Variants in ARHGAP20 observed in about 807,000 individuals in gnomAD.
ARHGAP20 encodes Rho GTPase activating protein 20.
A neutral mutation model predicts 73.7 loss-of-function variants in ARHGAP20; 34 were observed. That is an observed-to-expected ratio of 0.46 (90% CI 0.35 to 0.61). The LOEUF is 0.61. Ranked by LOEUF, ARHGAP20 falls within the 20% of genes least tolerant of loss-of-function variation. The pLI, the probability that ARHGAP20 is intolerant of heterozygous loss-of-function variation, is 0.00. For synonymous variants in ARHGAP20, 523 were observed against 518.2 expected (o/e 1.01, Z -0.13); for missense variants, 1,314 against 1,420.9 (o/e 0.92, Z 1.21).
At chr11:110,687,035 CA>C (rs1840141783) in intron 2 of ARHGAP20, among the ~76,000 whole-genome samples, 1 of 121,996 alleles carries the variant, frequency 8.2e-6, no homozygotes, top group Non-Finnish European at 1.7e-5. Flanking sequence ...AAGATTAAAA[CA>C]TATATATATA....
At chr11:110,611,446 A>G in intron 6 of ARHGAP20, 60 bp from the exon 7 acceptor site, 1 of 865,464 alleles carries the variant, frequency 1.2e-6, no homozygotes, top group Non-Finnish European at 1.7e-6. Context: ...CAGGTTAACA[A>G]ATAATCATTG....
chr11:110,711,652 G>C (rs1950660061), intron 1 of ARHGAP20: 1 of 1,471,172 alleles, frequency 6.8e-7, no homozygotes, highest in Admixed American at 2.3e-5. Flanking sequence ...CAGCCCCGCT[G>C]CCTACCTTCT....
chr11:110,614,850 G>A (rs1020941287), intron 5 of ARHGAP20, among the ~76,000 whole-genome samples: 1 of 152,136 alleles, frequency 6.6e-6, no homozygotes, highest in Non-Finnish European at 1.5e-5. Context: ...TTAGGCATGG[G>A]CACAAAAAAA....
chr11:110,602,393 C>T (rs1346256860), intron 9 of ARHGAP20, among the ~76,000 whole-genome samples: 1 of 152,114 alleles, frequency 6.6e-6, no homozygotes, highest in African/African-American at 2.4e-5. Flanking sequence ...ATATAATATG[C>T]GTCAATGGTT....
intron 2 of ARHGAP20, among the ~76,000 whole-genome samples, chr11:110,686,616 T>G (rs978468004): frequency 6.6e-6 from 1 of 152,244 alleles, no homozygotes; most frequent in East Asian, 1.9e-4. Context: ...GCAACAGTGG[T>G]CCTCCACCAA....
At chr11:110,658,677 G>GA (rs1231450014) in intron 2 of ARHGAP20, among the ~76,000 whole-genome samples, 1 of 152,102 alleles carries the variant, frequency 6.6e-6, no homozygotes, top group African/African-American at 2.4e-5. Flanking sequence ...CAAATACAGT[G>GA]AAACACAGAC....
chr11:110,686,144 T>A (rs1950127437), intron 2 of ARHGAP20, among the ~76,000 whole-genome samples: 1 of 152,142 alleles, frequency 6.6e-6, no homozygotes. Context: ...TATTTAAGTT[T>A]TAACTATAGG....
intron 1 of ARHGAP20, among the ~76,000 whole-genome samples, chr11:110,691,570 G>A (rs569755423): frequency 4.9e-4 from 74 of 152,024 alleles, no homozygotes; most frequent in African/African-American, 1.6e-3. Context: ...GCTCAGTGTC[G>A]GTATCCTATT....
intron 2 of ARHGAP20, among the ~76,000 whole-genome samples, chr11:110,666,273 T>C (rs114535079): frequency 0.023 from 3,534 of 152,280 alleles, 125 homozygotes; most frequent in African/African-American, 0.073. Flanking sequence ...TGCTAAAATG[T>C]TGATTTTACC....
At chr11:110,607,847 A>G (rs918103797) in intron 8 of ARHGAP20, among the ~76,000 whole-genome samples, 16 of 152,208 alleles carry the variant, frequency 1.1e-4, no homozygotes, top group South Asian at 6.2e-4. Flanking sequence ...AGAGCTAGTC[A>G]GGAAGCTTGG....
chr11:110,667,027 T>G (rs1295462323), intron 2 of ARHGAP20, among the ~76,000 whole-genome samples: 3 of 152,192 alleles, frequency 2.0e-5, no homozygotes, highest in African/African-American at 2.4e-5. Context: ...TCATGAGATT[T>G]AAGGAAAGAA....
chr11:110,591,845 A>C, intron 10 of ARHGAP20, 132 bp downstream of exon 10: 1 of 916,158 alleles, frequency 1.1e-6, no homozygotes, highest in Non-Finnish European at 1.6e-6. Context: ...TATTTGGAGG[A>C]ATAATAGTGA....
rs532716284 is a variant in ARHGAP20, at chr11:110,628,818, C to A, written c.353+1810G>T. 9.9e-5 allele frequency among the ~76,000 whole-genome samples: 15 copies of A among 152,176 alleles called. No homozygotes were observed. In the East Asian group the frequency reaches 1.5e-3, roughly 16 times the overall value. ...GAAAGGGACAATCAAAATAAAAAGTCAGCTACAGAAGCAGACAATGGGTAC... is the reference window on the plus strand; with the variant it reads ...GAAAGGGACAATCAAAATAAAAAGTAAGCTACAGAAGCAGACAATGGGTAC... On this transcript the variant is annotated intron_variant, in intron 3 of 14. Coordinates refer to ENST00000683387, the MANE Select transcript of ARHGAP20 (RefSeq NM_001384657.1).
At chr11:110,688,582 T>C (rs1440040297) in intron 2 of ARHGAP20, among the ~76,000 whole-genome samples, 1 of 152,182 alleles carries the variant, frequency 6.6e-6, no homozygotes, top group Non-Finnish European at 1.5e-5. Context: ...TGATTAATTC[T>C]GTTTCCTCTA....
chr11:110,651,826 C>A (rs1949362305), intron 2 of ARHGAP20, among the ~76,000 whole-genome samples: 1 of 152,060 alleles, frequency 6.6e-6, no homozygotes, highest in Non-Finnish European at 1.5e-5. Flanking sequence ...GAAGCTGCTA[C>A]CATTTCTTCT....
At chr11:110,622,206 AC>A (rs1402521252) in intron 4 of ARHGAP20, among the ~76,000 whole-genome samples, 1 of 152,172 alleles carries the variant, frequency 6.6e-6, no homozygotes, top group Non-Finnish European at 1.5e-5. Flanking sequence ...ATGTAACTGT[AC>A]CCTGCTCTCA....
In ARHGAP20 at chr11:110,632,625, G is replaced by A. The variant is rs148260743; in HGVS notation, c.189-1833C>T. Among the ~76,000 whole-genome samples the A allele has an allele frequency of 4.7e-3, 715 of 152,178 alleles. 6 individuals carry two copies. The highest frequency in any genetic ancestry group is 0.016 in the African/African-American group (662 of 41,510). On this transcript the variant is annotated intron_variant, in intron 2 of 14. Coordinates refer to ENST00000683387, the MANE Select transcript of ARHGAP20 (RefSeq NM_001384657.1). Reference sequence around the variant, plus strand: ...TTGCCATGTTGGCCATGCTGGTCTCGAACTCATGACCTCAGATGATCTGCC... The same window carrying A: ...TTGCCATGTTGGCCATGCTGGTCTCAAACTCATGACCTCAGATGATCTGCC...
At chr11:110,679,501 C>T (rs1949996355) in intron 2 of ARHGAP20, among the ~76,000 whole-genome samples, 1 of 152,168 alleles carries the variant, frequency 6.6e-6, no homozygotes. Context: ...TACTCCTCAA[C>T]AGTGTGACAG....
chr11:110,590,887 G>A, intron 10 of ARHGAP20, 78 bp from the exon 11 acceptor site: 1 of 1,426,006 alleles, frequency 7.0e-7, no homozygotes, highest in Non-Finnish European at 9.4e-7. Context: ...CTCTTTGGAT[G>A]CCAGAGGCTA....
Sources: allele counts gnomAD v4.1 joint callset (sites outside exome capture counted in the v4.1 genomes callset), GRCh38; gene constraint gnomAD v4.1.1; transcripts MANE v1.5; gene names NCBI Gene and HGNC (gene_info 2026-07-23, HGNC 2026-07-21).